CCDC122: variants seen among roughly 807,000 people sequenced by gnomAD.
The protein encoded by CCDC122 is coiled-coil domain-containing protein 122.
A neutral mutation model predicts 37.0 loss-of-function variants in CCDC122; 38 were observed. That is an observed-to-expected ratio of 1.03 (90% CI 0.79 to 1.35). CCDC122 has a LOEUF of 1.35. Ranked by LOEUF, CCDC122 falls within the 40% of genes most tolerant of loss-of-function variation. The pLI is 0.00. For synonymous variants in CCDC122, 83 were observed against 95.6 expected, an observed-to-expected ratio of 0.87 and a Z score of 0.77; for missense variants, 305 against 310.0, an observed-to-expected ratio of 0.98 and a Z score of 0.12.
intron 6 of CCDC122, among the ~76,000 whole-genome samples, chr13:43,847,539 A>T (rs987821558): frequency 3.9e-5 from 6 of 152,184 alleles, no homozygotes; most frequent in African/African-American, 1.4e-4. Context: ...AAGTTATTTA[A>T]ATTTTCTAAA....
intron 6 of CCDC122, among the ~76,000 whole-genome samples, chr13:43,846,655 G>C (rs892008778): frequency 1.3e-5 from 2 of 152,142 alleles, no homozygotes; most frequent in Non-Finnish European, 2.9e-5. Context: ...GCAGTTGTGG[G>C]AATTGGGCAG....
At chr13:43,877,758 T>C (rs1954675493) in intron 1 of CCDC122, 1 of 152,216 alleles carries the variant, frequency 6.6e-6, no homozygotes, top group South Asian at 2.1e-4. Context: ...AATAGGGTGT[T>C]TTTATTTTTT....
intron 6 of CCDC122, among the ~76,000 whole-genome samples, chr13:43,838,975 T>C (rs1425903968): frequency 6.6e-6 from 1 of 152,218 alleles, no homozygotes; most frequent in East Asian, 1.9e-4. Context: ...TGCACATGCC[T>C]GCAATAAGGT....
At chr13:43,851,865 C>A (rs895275582) in intron 6 of CCDC122, among the ~76,000 whole-genome samples, 10 of 152,030 alleles carry the variant, frequency 6.6e-5, no homozygotes, top group Non-Finnish European at 1.5e-4. Context: ...AGAGCGTTGG[C>A]CCTTAAAATC....
At chr13:43,841,376 T>C (rs141682384) in intron 6 of CCDC122, among the ~76,000 whole-genome samples, 2 of 152,348 alleles carry the variant, frequency 1.3e-5, no homozygotes, top group East Asian at 3.9e-4. Flanking sequence ...TCTTAACAGT[T>C]GTTTCATGTC....
chr13:43,860,321 CA>C (rs1479127088), intron 4 of CCDC122, among the ~76,000 whole-genome samples: 1 of 151,836 alleles, frequency 6.6e-6, no homozygotes, highest in Non-Finnish European at 1.5e-5. Context: ...TTTATCTTGA[CA>C]TTTTATATAT....
intron 5 of CCDC122, 77 bp from the exon 6 acceptor site, chr13:43,858,974 TA>T (rs1954019698): frequency 8.5e-7 from 1 of 1,174,462 alleles, no homozygotes; most frequent in Admixed American, 4.1e-5. Context: ...AGTGTTTCTA[TA>T]ATTTAAGAAA....
intron 5 of CCDC122, 108 bp from the exon 6 acceptor site, chr13:43,859,005 A>C: frequency 2.2e-6 from 2 of 899,018 alleles, no homozygotes; most frequent in Non-Finnish European, 3.1e-6. Context: ...ATCAAAATTT[A>C]GTTTTGATAA....
downstream of CCDC122, among the ~76,000 whole-genome samples, chr13:43,835,460 T>TA (rs1227029599): frequency 2.0e-5 from 3 of 151,914 alleles, no homozygotes; most frequent in Non-Finnish European, 4.4e-5. Context: ...TAAAGTATAA[T>TA]AAAAAAAGAA....
At chr13:43,879,006 A>G (rs1954765663) in intron 1 of CCDC122, among the ~76,000 whole-genome samples, 2 of 152,194 alleles carry the variant, frequency 1.3e-5, no homozygotes, top group African/African-American at 4.8e-5. Context: ...AAGAGCTAGC[A>G]TGACAAGGGA....
intron 6 of CCDC122, among the ~76,000 whole-genome samples, chr13:43,849,859 T>C (rs1953666820): frequency 6.6e-6 from 1 of 152,168 alleles, no homozygotes; most frequent in African/African-American, 2.4e-5. Flanking sequence ...GTTTTAACTG[T>C]GGAGCCAGGA....
chr13:43,826,991 G>T (rs1953046815), intron 3 of CCDC122, among the ~76,000 whole-genome samples: 1 of 152,018 alleles, frequency 6.6e-6, no homozygotes, highest in Non-Finnish European at 1.5e-5. Context: ...TTTTTAATAA[G>T]AATTTTCCTT....
At chr13:43,856,949 T>A (rs949192477) in intron 6 of CCDC122, among the ~76,000 whole-genome samples, 1 of 150,918 alleles carries the variant, frequency 6.6e-6, no homozygotes, top group African/African-American at 2.4e-5. Context: ...ATAAAATATG[T>A]TACTGTAAAA....
intron 6 of CCDC122, among the ~76,000 whole-genome samples, chr13:43,846,630 T>C (rs923503292): frequency 1.4e-4 from 22 of 152,340 alleles, no homozygotes; most frequent in Admixed American, 1.2e-3. Flanking sequence ...CAGATGTCTT[T>C]ACTCCTAAAG....
chr13:43,854,562 T>C (rs888854564), intron 6 of CCDC122: 1 of 152,196 alleles, frequency 6.6e-6, no homozygotes, highest in African/African-American at 2.4e-5. Flanking sequence ...GAAGAGCTGG[T>C]ACCATTCCTG....
chr13:43,854,932 A>G (rs1389067930), intron 6 of CCDC122: 1 of 152,228 alleles, frequency 6.6e-6, no homozygotes, highest in Non-Finnish European at 1.5e-5. Flanking sequence ...ACAACGATTC[A>G]TGTTAAAAAC....
chr13:43,869,057 C>A (rs1388748462), intron 3 of CCDC122, among the ~76,000 whole-genome samples: 1 of 151,928 alleles, frequency 6.6e-6, no homozygotes, highest in Non-Finnish European at 1.5e-5. Context: ...TTTGATTGTC[C>A]TAATTTTTTT....
intron 2 of CCDC122, among the ~76,000 whole-genome samples, chr13:43,873,339 A>G (rs1317046332): frequency 6.6e-6 from 1 of 152,138 alleles, no homozygotes; most frequent in African/African-American, 2.4e-5. Context: ...TTTCAACTCA[A>G]TATATCACAA....
chr13:43,824,705 G>GA (rs1303806161), intron 3 of CCDC122, among the ~76,000 whole-genome samples: 2 of 151,858 alleles, frequency 1.3e-5, no homozygotes, highest in African/African-American at 2.4e-5. Flanking sequence ...AAATCAACAA[G>GA]AAAAAATCAA....
Sources: allele counts gnomAD v4.1 joint callset (sites outside exome capture counted in the v4.1 genomes callset), GRCh38; gene constraint gnomAD v4.1.1; transcripts MANE v1.5; gene names NCBI Gene and HGNC (gene_info 2026-07-23, HGNC 2026-07-21).